The following MAGI1 variants were observed in gnomAD, a reference collection of about 807,000 sequenced individuals.
MAGI1 encodes membrane associated guanylate kinase, WW and PDZ domain containing 1.
A neutral mutation model predicts 139.9 loss-of-function variants in MAGI1; 58 were observed. That is an observed-to-expected ratio of 0.41 (90% CI 0.34 to 0.52). The LOEUF (loss-of-function observed/expected upper bound fraction) is 0.52, where lower values mean the gene tolerates loss of function less well. Among genes scored for constraint, MAGI1 ranks in the 20% least tolerant of loss-of-function variants. MAGI1 has a pLI of 0.12. For missense variants in MAGI1, 1,874 were observed against 1,901.6 expected (o/e 0.99, Z 0.27); for synonymous variants, 812 against 737.9 (o/e 1.10, Z -1.63).
intron 1 of MAGI1, among the ~76,000 whole-genome samples, chr3:66,010,625 G>T (rs925597311): frequency 1.3e-5 from 2 of 152,142 alleles, no homozygotes; most frequent in Non-Finnish European, 2.9e-5. Flanking sequence ...GCTATATGGG[G>T]CTCTGATGTC....
At chr3:65,480,639 G>A (rs1156485072) in intron 3 of MAGI1, among the ~76,000 whole-genome samples, 8 of 144,004 alleles carry the variant, frequency 5.6e-5, no homozygotes, top group Non-Finnish European at 9.0e-5. Flanking sequence ...AGGCTGGAGT[G>A]CAATGGCACG....
At chr3:65,672,629 GAGA>G (rs1171137899) in intron 1 of MAGI1, among the ~76,000 whole-genome samples, 3 of 152,158 alleles carry the variant, frequency 2.0e-5, no homozygotes, top group Non-Finnish European at 2.9e-5. Flanking sequence ...GTAAGGCACG[GAGA>G]AGAAGGAGAA....
chr3:65,519,159 G>A (rs1012075554), intron 2 of MAGI1, among the ~76,000 whole-genome samples: 3 of 152,040 alleles, frequency 2.0e-5, no homozygotes, highest in African/African-American at 7.2e-5. Context: ...TATTAGGTTA[G>A]GGCAAACATA....
At chr3:65,986,536 G>T (rs1036371833) in intron 1 of MAGI1, among the ~76,000 whole-genome samples, 1 of 152,164 alleles carries the variant, frequency 6.6e-6, no homozygotes, top group Non-Finnish European at 1.5e-5. Flanking sequence ...AGTGCACACA[G>T]CCTTGGTCCT....
At chr3:65,996,549 G>T (rs972660293) in intron 1 of MAGI1, among the ~76,000 whole-genome samples, 12 of 151,792 alleles carry the variant, frequency 7.9e-5, no homozygotes, top group Non-Finnish European at 1.0e-4. Context: ...AAGGGGGGGG[G>T]GGGGGAAGCG....
At chr3:65,452,193 T>G (rs1234235465) in intron 6 of MAGI1, among the ~76,000 whole-genome samples, 1 of 152,132 alleles carries the variant, frequency 6.6e-6, no homozygotes, top group Non-Finnish European at 1.5e-5. Context: ...GACTTTTGTT[T>G]CCATTTGAAG....
At chr3:65,687,646 C>A in intron 1 of MAGI1, 1 of 473,794 alleles carries the variant, frequency 2.1e-6, no homozygotes. Flanking sequence ...CACTACAGGC[C>A]ACAGTGCAGC....
At chr3:65,811,935 TG>T (rs1312240525) in intron 1 of MAGI1, among the ~76,000 whole-genome samples, 5 of 137,548 alleles carry the variant, frequency 3.6e-5, no homozygotes, top group African/African-American at 1.4e-4. Flanking sequence ...TACGTGTGTG[TG>T]TGTGTGTGTG....
intron 3 of MAGI1, among the ~76,000 whole-genome samples, chr3:65,481,684 T>G (rs1427823948): frequency 6.6e-6 from 1 of 152,198 alleles, no homozygotes. Context: ...TCAGTGCCAT[T>G]AAACTGAAGT....
chr3:66,024,089 T>C (rs1258231012), intron 1 of MAGI1, among the ~76,000 whole-genome samples: 1 of 151,950 alleles, frequency 6.6e-6, no homozygotes, highest in Non-Finnish European at 1.5e-5. Context: ...TTTTTGTGAG[T>C]TGGTCAGTAT....
intron 2 of MAGI1, among the ~76,000 whole-genome samples, chr3:65,534,172 G>A (rs1038416405): frequency 2.6e-5 from 4 of 152,098 alleles, no homozygotes; most frequent in African/African-American, 2.4e-5. Context: ...CATGATCACT[G>A]GCAGTCCTAT....
chr3:65,388,454 A>G (rs1171297258), intron 14 of MAGI1, among the ~76,000 whole-genome samples: 2 of 152,144 alleles, frequency 1.3e-5, no homozygotes, highest in South Asian at 2.1e-4. Flanking sequence ...CACATCTAAC[A>G]AGGCTATACA....
chr3:65,980,390 C>T (rs754240443), intron 1 of MAGI1, among the ~76,000 whole-genome samples: 1 of 152,010 alleles, frequency 6.6e-6, no homozygotes, highest in African/African-American at 2.4e-5. Context: ...TGGTGAAACA[C>T]CGTCTCTACT....
intron 1 of MAGI1, among the ~76,000 whole-genome samples, chr3:65,957,350 C>CAAA (rs1174740233): frequency 3.8e-4 from 35 of 91,456 alleles, no homozygotes; most frequent in African/African-American, 1.2e-3. Flanking sequence ...CCTGTCTCTA[C>CAAA]AAAAAAAAAA....
At chr3:65,376,617 T>C (rs893806734) in intron 17 of MAGI1, among the ~76,000 whole-genome samples, 1 of 152,222 alleles carries the variant, frequency 6.6e-6, no homozygotes, top group Non-Finnish European at 1.5e-5. Flanking sequence ...TTAGGACCTT[T>C]GCTCAAGCAG....
Position 65,813,622 on chromosome 3 carries a change from C to T in MAGI1, c.314-191534G>A, listed in dbSNP as rs554774979. Among the ~76,000 whole-genome samples, 4 of 152,284 alleles carry T rather than the reference C, an allele frequency of 2.6e-5. No individual in the cohort carries two copies. In the South Asian group the frequency reaches 8.3e-4, roughly 32 times the overall value. On this transcript the variant is annotated intron_variant, in intron 1 of 22. Transcript: ENST00000402939. ...CTTTCTGGGAGGAATTTTAGCAATGCACATCTCTTTAACATATGTATCATC... is the reference window on the plus strand; with the variant it reads ...CTTTCTGGGAGGAATTTTAGCAATGTACATCTCTTTAACATATGTATCATC...
intron 1 of MAGI1, among the ~76,000 whole-genome samples, chr3:65,792,796 T>C (rs907218441): frequency 5.9e-5 from 9 of 152,124 alleles, no homozygotes; most frequent in Non-Finnish European, 4.4e-5. Flanking sequence ...GAATTGTTTA[T>C]TTCTGAAAAT....
At chr3:65,467,536 A>G (rs1436675835) in intron 5 of MAGI1, among the ~76,000 whole-genome samples, 3 of 152,334 alleles carry the variant, frequency 2.0e-5, no homozygotes, top group African/African-American at 4.8e-5. Flanking sequence ...ACATTTTTGT[A>G]TAAGTTTTCT....
Position 65,932,293 on chromosome 3 carries a change from C to T in MAGI1, c.313+105703G>A, listed in dbSNP as rs895085460. Among the ~76,000 whole-genome samples the T allele has an allele frequency of 6.8e-4, 103 of 152,154 alleles. 1 individual carries two copies. The highest frequency in any genetic ancestry group is 2.3e-3 in the African/African-American group (97 of 41,534). On this transcript the variant is annotated intron_variant, in intron 1 of 22. Transcript: ENST00000402939. ...TTTCAAATTACTTGAACCTGGGAGG[C>T]GGGGGTTGCAGTGAGCTGAGATCAC...
Sources: gnomAD v4.1 joint callset for allele counts (sites outside exome capture counted in the v4.1 genomes callset) on GRCh38, gnomAD v4.1.1 for gene constraint, MANE v1.5 for transcripts, NCBI Gene and HGNC (gene_info 2026-07-23, HGNC 2026-07-21) for gene names.